PRKCB: variants seen among roughly 807,000 people sequenced by gnomAD.
PRKCB encodes the protein protein kinase C beta, also known as protein kinase C beta type.
In PRKCB, 13 loss-of-function variants were observed where a neutral mutation model predicts 81.5. That is an observed-to-expected ratio of 0.16 (90% CI 0.10 to 0.25). PRKCB has a LOEUF of 0.25. Ranked by LOEUF, PRKCB falls within the 10% of genes least tolerant of loss-of-function variation. The pLI is 1.00. For synonymous variants in PRKCB, 335 were observed against 321.4 expected (o/e 1.04, Z -0.45); for missense variants, 509 against 875.7 (o/e 0.58, Z 5.29).
At chr16:23,980,576 G>A (rs1964683927) in intron 2 of PRKCB, among the ~76,000 whole-genome samples, 1 of 152,174 alleles carries the variant, frequency 6.6e-6, no homozygotes, top group South Asian at 2.1e-4. Flanking sequence ...TAAAATGAGT[G>A]TTCAAACGAA....
At chr16:23,993,916 C>T (rs1964922073) in intron 3 of PRKCB, among the ~76,000 whole-genome samples, 1 of 152,148 alleles carries the variant, frequency 6.6e-6, no homozygotes, top group East Asian at 1.9e-4. Context: ...GTGAAGTGAA[C>T]AGAAGTCTAA....
Position 24,220,234 on chromosome 16 carries a change from CT to C in PRKCB, c.*5420del. The C allele has an allele frequency of 8.1e-7, 1 of 1,241,402 alleles. No homozygotes were observed. Among genetic ancestry groups the C allele is most frequent in the Non-Finnish European group, 1.1e-6 (1 of 895,234 alleles). 76.9% of individuals were successfully genotyped at this position (1,241,402 alleles called of 1,614,324 possible). ...GGCATTCAACATGTGGAAAGCTTGT[CT>C]TAGAGGGCTTTTCTTTGTATGTGTA... On this transcript the variant is annotated 3_prime_UTR_variant, in exon 17 of 17. Coordinates refer to ENST00000643927, the MANE Select transcript of PRKCB (RefSeq NM_002738.7).
At chr16:23,978,872 G>T (rs1006633945) in intron 2 of PRKCB, among the ~76,000 whole-genome samples, 1 of 152,182 alleles carries the variant, frequency 6.6e-6, no homozygotes, top group East Asian at 1.9e-4. Context: ...TGGCATTTTA[G>T]ATTTTATTTA....
intron 2 of PRKCB, among the ~76,000 whole-genome samples, chr16:23,849,120 A>C (rs1962428283): frequency 1.3e-5 from 2 of 152,248 alleles, no homozygotes; most frequent in African/African-American, 4.8e-5. Context: ...GGCCTGCAAC[A>C]CTTTAATTTG....
At chr16:24,007,179 C>T (rs566951566) in intron 3 of PRKCB, among the ~76,000 whole-genome samples, 10 of 152,308 alleles carry the variant, frequency 6.6e-5, no homozygotes, top group African/African-American at 2.4e-4. Flanking sequence ...GATAAAATGG[C>T]ACCCACCTCA....
At chr16:23,979,147 A>C (rs959773718) in intron 2 of PRKCB, among the ~76,000 whole-genome samples, 5 of 152,176 alleles carry the variant, frequency 3.3e-5, no homozygotes, top group African/African-American at 1.2e-4. Flanking sequence ...TAACAACTCT[A>C]TGAGGAAAGT....
intron 2 of PRKCB, among the ~76,000 whole-genome samples, chr16:23,929,672 T>A (rs1428006916): frequency 1.3e-5 from 2 of 152,172 alleles, no homozygotes; most frequent in African/African-American, 2.4e-5. Context: ...TCTAGGACAG[T>A]GCCTGGCATG....
chr16:24,025,299 C>G (rs973872213), intron 3 of PRKCB, among the ~76,000 whole-genome samples: 1 of 152,188 alleles, frequency 6.6e-6, no homozygotes, highest in Non-Finnish European at 1.5e-5. Context: ...GTGCTTGCCA[C>G]GGGCAAAACA....
At chr16:24,200,450 G>C (rs184971966) in intron 16 of PRKCB, among the ~76,000 whole-genome samples, 4 of 152,316 alleles carry the variant, frequency 2.6e-5, no homozygotes, top group Admixed American at 1.3e-4. Context: ...GGAATTGTCA[G>C]GTTCCTGAGC....
chr16:23,911,386 C>A (rs1963651078), intron 2 of PRKCB, among the ~76,000 whole-genome samples: 1 of 151,880 alleles, frequency 6.6e-6, no homozygotes, highest in South Asian at 2.1e-4. Flanking sequence ...CCTCGGCCTC[C>A]CAAAGTGCTG....
intron 2 of PRKCB, among the ~76,000 whole-genome samples, chr16:23,891,442 G>A (rs1963293381): frequency 6.6e-6 from 1 of 152,110 alleles, no homozygotes; most frequent in Admixed American, 6.6e-5. Flanking sequence ...GTATACAGAT[G>A]TATGCATCTG....
chr16:23,848,157 A>G (rs1240246480), intron 2 of PRKCB, among the ~76,000 whole-genome samples: 1 of 152,166 alleles, frequency 6.6e-6, no homozygotes, highest in Non-Finnish European at 1.5e-5. Flanking sequence ...TGAACGTCAT[A>G]TCAGAGGGGT....
chr16:23,988,886 A>G (rs945160825), intron 3 of PRKCB, among the ~76,000 whole-genome samples: 23 of 152,134 alleles, frequency 1.5e-4, no homozygotes, highest in Admixed American at 1.0e-3. Flanking sequence ...GGCTGCAAAA[A>G]GGTAGTTTCG....
At chr16:24,105,779 A>G (rs1016677983) in intron 7 of PRKCB, among the ~76,000 whole-genome samples, 7 of 152,172 alleles carry the variant, frequency 4.6e-5, no homozygotes, top group African/African-American at 1.4e-4. Flanking sequence ...TCTATCATTG[A>G]TGGGCATTTG....
intron 10 of PRKCB, among the ~76,000 whole-genome samples, chr16:24,155,766 T>C (rs950598111): frequency 1.3e-5 from 2 of 152,248 alleles, no homozygotes; most frequent in African/African-American, 4.8e-5. Context: ...TCTTTTCTTT[T>C]ATCTGTTCTA....
chr16:23,914,240 C>G (rs1162849107), intron 2 of PRKCB, among the ~76,000 whole-genome samples: 1 of 152,106 alleles, frequency 6.6e-6, no homozygotes, highest in African/African-American at 2.4e-5. Context: ...ATGTCAAACT[C>G]CTGGCCTCAA....
intron 10 of PRKCB, among the ~76,000 whole-genome samples, chr16:24,160,195 T>G (rs1318475309): frequency 7.3e-6 from 1 of 137,548 alleles, no homozygotes; most frequent in Non-Finnish European, 1.5e-5. Context: ...TGGGTGTTTT[T>G]TTTTTTTTTT....
chr16:24,102,046 T>A (rs1409005715), intron 7 of PRKCB, among the ~76,000 whole-genome samples: 1 of 152,132 alleles, frequency 6.6e-6, no homozygotes, highest in Non-Finnish European at 1.5e-5. Flanking sequence ...ATATACAAAT[T>A]CCATTCTGCC....
chr16:23,995,156 A>G (rs1397056576), intron 3 of PRKCB, among the ~76,000 whole-genome samples: 4 of 152,180 alleles, frequency 2.6e-5, no homozygotes, highest in Non-Finnish European at 4.4e-5. Flanking sequence ...GGACCCTTCT[A>G]CATCCGAGAA....
Sources: allele counts gnomAD v4.1 joint callset (sites outside exome capture counted in the v4.1 genomes callset), GRCh38; gene constraint gnomAD v4.1.1; transcripts MANE v1.5; gene names NCBI Gene and HGNC (gene_info 2026-07-23, HGNC 2026-07-21).